The following DPP6 variants were observed in gnomAD, a reference collection of about 807,000 sequenced individuals.
DPP6 encodes A-type potassium channel modulatory protein DPP6.
In DPP6, 69 loss-of-function variants were observed where a neutral mutation model predicts 122.6. The ratio of observed to expected loss-of-function variants is 0.56; its 90% CI spans 0.46 to 0.69. DPP6 has a LOEUF of 0.69. Among genes scored for constraint, DPP6 ranks in the 30% least tolerant of loss-of-function variants. The pLI, the probability that DPP6 is intolerant of heterozygous loss-of-function variation, is 0.00. For synonymous variants in DPP6, 418 were observed against 433.1 expected (o/e 0.97, Z 0.43); for missense variants, 928 against 1,116.9 (o/e 0.83, Z 2.41).
chr7:154,366,350 C>T (rs1054370840), intron 1 of DPP6, among the ~76,000 whole-genome samples: 1 of 152,202 alleles, frequency 6.6e-6, no homozygotes, highest in African/African-American at 2.4e-5. Flanking sequence ...CAACCAAATA[C>T]CCCTCCCATC....
At chr7:153,878,850 G>GA in the DPP6 span, among the ~76,000 whole-genome samples, 1 of 151,812 alleles carries the variant, frequency 6.6e-6, no homozygotes, top group Non-Finnish European at 1.5e-5. Flanking sequence ...AAAATAGCAC[G>GA]AAAAAATCTC....
At chr7:153,885,116 G>GT (rs10693546), upstream of DPP6, among the ~76,000 whole-genome samples, 92,802 of 149,688 alleles carry the variant, frequency 0.62, 29,284 homozygotes, top group African/African-American at 0.71. Flanking sequence ...ATGCTTGGTG[G>GT]GAAAGAGAGG....
chr7:154,188,149 C>T (rs1001341647), intron 1 of DPP6, among the ~76,000 whole-genome samples: 6 of 152,030 alleles, frequency 3.9e-5, no homozygotes, highest in African/African-American at 7.2e-5. Context: ...CTCAGCAGAT[C>T]CAAAGGCCAT....
At chr7:154,153,773 G>C (rs1240428369) in intron 1 of DPP6, among the ~76,000 whole-genome samples, 1 of 152,216 alleles carries the variant, frequency 6.6e-6, no homozygotes, top group Non-Finnish European at 1.5e-5. Context: ...TCAACACATA[G>C]ATGAACGGGT....
rs576065641 is a variant in DPP6 at position 154,833,996 on chromosome 7, C to T, written c.1667-19784C>T. The stretch of plus-strand genomic sequence containing the variant: ...AGGACGCCTGTCCTCTGAGTACTCA[C>T]TGCCCAGTGAGGTCATCAGCACCGT... On this transcript the variant is annotated intron_variant, in intron 16 of 25. Transcript: ENST00000377770. This position sits in a 1 kb window ranked among gnomAD's most constrained non-coding sequence, Gnocchi z 4.3. Among the ~76,000 whole-genome samples, 13 of 152,254 alleles carry T rather than the reference C, an allele frequency of 8.5e-5. No individual in the cohort carries two copies. The highest frequency in any genetic ancestry group is 3.1e-4 in the African/African-American group (13 of 41,546).
chr7:154,245,756 A>G (rs1801945920), intron 1 of DPP6, among the ~76,000 whole-genome samples: 1 of 152,180 alleles, frequency 6.6e-6, no homozygotes. Context: ...ACTTATTAGA[A>G]AGATATAAAC....
At chr7:154,547,283 C>T (rs767619720) in intron 4 of DPP6, among the ~76,000 whole-genome samples, 1 of 152,328 alleles carries the variant, frequency 6.6e-6, no homozygotes, top group East Asian at 1.9e-4. Context: ...GGGAAACAGC[C>T]GTGTTTTTGT....
the DPP6 span, among the ~76,000 whole-genome samples, chr7:153,761,871 G>A: frequency 1.3e-5 from 2 of 152,146 alleles, no homozygotes; most frequent in Admixed American, 1.3e-4. Flanking sequence ...GTCCGTGTGT[G>A]CACAAACAAG....
chr7:154,301,805 TTTTTTTTTG>T (rs1585870167), intron 1 of DPP6, among the ~76,000 whole-genome samples: 2 of 86,290 alleles, frequency 2.3e-5, no homozygotes, highest in Admixed American at 1.2e-4. Flanking sequence ...TTTTTTTTTT[TTTTTTTTTG>T]TTGGAGACAG....
At chr7:154,260,637 CT>C (rs1292026396) in intron 1 of DPP6, among the ~76,000 whole-genome samples, 5 of 149,048 alleles carry the variant, frequency 3.4e-5, no homozygotes, top group South Asian at 2.1e-4. Flanking sequence ...TAATTCATTC[CT>C]TTTTTATGGC....
the DPP6 span, among the ~76,000 whole-genome samples, chr7:153,881,613 A>G: frequency 5.9e-5 from 9 of 152,282 alleles, no homozygotes; most frequent in East Asian, 1.4e-3. Context: ...TGCTATATCA[A>G]TGTCTACCTG....
intron 1 of DPP6, among the ~76,000 whole-genome samples, chr7:154,420,473 G>A (rs981850228): frequency 2.0e-5 from 3 of 152,200 alleles, no homozygotes; most frequent in African/African-American, 7.2e-5. Flanking sequence ...CATGGAAGGA[G>A]AGAATAGAAT....
At position 154,361,446 on chromosome 7, in the gene DPP6, C is replaced by T. The variant is rs145936382; in HGVS notation, c.244-84768C>T. ...TGACATCAGGAAACTTGTGAAACCA[C>T]GGTCTTTTGTTTACATTAGAAAATG... On this transcript the variant is annotated intron_variant, in intron 1 of 25. Transcript: ENST00000377770. Among the ~76,000 whole-genome samples, 520 of 152,228 alleles carry T rather than the reference C, an allele frequency of 3.4e-3. 14 individuals are homozygous for T. The highest frequency in any genetic ancestry group is 0.031 in the Admixed American group (480 of 15,286).
chr7:154,480,175 C>T (rs1193544111), intron 3 of DPP6, among the ~76,000 whole-genome samples: 4 of 152,276 alleles, frequency 2.6e-5, no homozygotes, highest in East Asian at 3.9e-4. Flanking sequence ...CTATCATGAA[C>T]GAAATGTGGT....
intron 18 of DPP6, among the ~76,000 whole-genome samples, chr7:154,869,295 A>T (rs1253054121): frequency 1.3e-5 from 2 of 152,152 alleles, no homozygotes; most frequent in Non-Finnish European, 2.9e-5. Context: ...CAATCACCTA[A>T]CAGACTCAGC....
chr7:154,375,322 G>A (rs900141503), intron 1 of DPP6, among the ~76,000 whole-genome samples: 1 of 152,124 alleles, frequency 6.6e-6, no homozygotes, highest in East Asian at 1.9e-4. Flanking sequence ...CCACAATGGC[G>A]AGGGGATGTT....
intron 1 of DPP6, among the ~76,000 whole-genome samples, chr7:154,317,666 G>A (rs529293224): frequency 6.6e-6 from 1 of 152,288 alleles, no homozygotes; most frequent in South Asian, 2.1e-4. Context: ...ATTACTGAAT[G>A]TAGATTCTGA....
At chr7:154,668,045 C>T (rs2131093048) in intron 6 of DPP6, among the ~76,000 whole-genome samples, 1 of 150,476 alleles carries the variant, frequency 6.6e-6, no homozygotes, top group East Asian at 2.0e-4. Context: ...GATTCCAGTC[C>T]ACCATGTCCT....
chr7:154,030,529 G>A (rs10952459), intron 1 of DPP6, among the ~76,000 whole-genome samples: 13,802 of 152,042 alleles, frequency 0.091, 741 homozygotes, highest in African/African-American at 0.16. Context: ...GCATCATAAC[G>A]GTGCTTCCTG....
Sources: gnomAD v4.1 joint callset for allele counts (sites outside exome capture counted in the v4.1 genomes callset) on GRCh38, gnomAD v4.1.1 for gene constraint, Gnocchi (gnomAD v3.1) non-coding constraint, MANE v1.5 for transcripts, NCBI Gene and HGNC (gene_info 2026-07-23, HGNC 2026-07-21) for gene names.